MTARC2: variants seen among roughly 807,000 people sequenced by gnomAD.
The protein encoded by MTARC2 is mitochondrial amidoxime reducing component 2, also known as MOCO sulphurase C-terminal domain containing 2.
A neutral mutation model predicts 35.6 loss-of-function variants in MTARC2; 27 were observed. The ratio of observed to expected loss-of-function variants is 0.76; its 90% CI spans 0.56 to 1.04. MTARC2 has a LOEUF of 1.04. Among genes scored for constraint, MTARC2 ranks in the 50% least tolerant of loss-of-function variants. The pLI is 0.00. For missense variants in MTARC2, 412 were observed against 432.5 expected, an observed-to-expected ratio of 0.95 and a Z score of 0.42; for synonymous variants, 158 against 167.1, an observed-to-expected ratio of 0.95 and a Z score of 0.42.
intron 4 of MTARC2, among the ~76,000 whole-genome samples, chr1:220,765,333 T>G (rs1671553344): frequency 6.6e-6 from 1 of 152,230 alleles, no homozygotes; most frequent in Non-Finnish European, 1.5e-5. Flanking sequence ...GAGGCTGCAC[T>G]GGAGCTGGCT....
intron 3 of MTARC2, 62 bp downstream of exon 3, chr1:220,761,882 C>G: frequency 6.7e-7 from 1 of 1,490,396 alleles, no homozygotes; most frequent in Non-Finnish European, 9.0e-7. Flanking sequence ...TGGCTTCCTT[C>G]CCAGTTGATA....
Position 220,748,517 on chromosome 1 carries a change from C to CG in MTARC2, c.-14dup. 1 of 1,383,926 alleles carries CG rather than the reference C, an allele frequency of 7.2e-7. No individual in the cohort carries two copies. The highest frequency in any genetic ancestry group is 9.3e-7 in the Non-Finnish European group (1 of 1,078,884). 85.7% of individuals were successfully genotyped at this position (1,383,926 alleles called of 1,614,324 possible). Reference sequence around the variant, plus strand: ...CCGGGTCTGTGCGCCGGTCCGCGCCCGCCCTCGCTCTGCCATGGGCGCTTC... The same window carrying CG: ...CCGGGTCTGTGCGCCGGTCCGCGCCCGGCCCTCGCTCTGCCATGGGCGCTTC... On this transcript the variant is annotated 5_prime_UTR_variant, in exon 1 of 8. Transcript: ENST00000366913.
chr1:220,772,360 A>G (rs1336720033), intron 4 of MTARC2, among the ~76,000 whole-genome samples: 1 of 152,176 alleles, frequency 6.6e-6, no homozygotes, highest in African/African-American at 2.4e-5. Context: ...TGCCCTTTTC[A>G]TTGTGCTCTT....
intron 7 of MTARC2, among the ~76,000 whole-genome samples, chr1:220,782,419 GT>G (rs376816976): frequency 3.4e-3 from 510 of 152,210 alleles, no homozygotes; most frequent in South Asian, 0.023. Flanking sequence ...GTGCATCATG[GT>G]GACTGGGTCC....
At chr1:220,772,086 G>A (rs7519399) in intron 4 of MTARC2, among the ~76,000 whole-genome samples, 48,297 of 151,840 alleles carry the variant, frequency 0.32, 8,819 homozygotes, top group East Asian at 0.68. Context: ...CTTCATTTGC[G>A]TGGTTCCAGT....
At chr1:220,769,952 A>T (rs1310553414) in intron 4 of MTARC2, among the ~76,000 whole-genome samples, 1 of 149,546 alleles carries the variant, frequency 6.7e-6, no homozygotes, top group East Asian at 2.0e-4. Context: ...AAAAAAAAAA[A>T]AAAAATTAAG....
intron 4 of MTARC2, among the ~76,000 whole-genome samples, chr1:220,776,092 G>A (rs1295021481): frequency 6.6e-6 from 1 of 152,202 alleles, no homozygotes; most frequent in East Asian, 1.9e-4. Flanking sequence ...AGTTCTTTGA[G>A]AAATCTACAG....
At chr1:220,774,006 TG>T (rs1671819895) in intron 4 of MTARC2, among the ~76,000 whole-genome samples, 1 of 151,892 alleles carries the variant, frequency 6.6e-6, no homozygotes. Context: ...ATGTGCCTTG[TG>T]TTTTTTTCAC....
intron 4 of MTARC2, among the ~76,000 whole-genome samples, chr1:220,764,050 T>G (rs1358403419): frequency 6.6e-6 from 1 of 152,090 alleles, no homozygotes; most frequent in Non-Finnish European, 1.5e-5. Context: ...TTTGCTCCCC[T>G]GAATGAATGA....
chr1:220,782,489 C>G (rs1672103086), intron 7 of MTARC2, among the ~76,000 whole-genome samples: 1 of 152,120 alleles, frequency 6.6e-6, no homozygotes, highest in East Asian at 1.9e-4. Flanking sequence ...CAATACAGCC[C>G]TCACTCCTGG....
chr1:220,782,029 A>T, intron 7 of MTARC2, 97 bp downstream of exon 7: 1 of 1,065,126 alleles, frequency 9.4e-7, no homozygotes, highest in Non-Finnish European at 1.3e-6. Flanking sequence ...TTAATTCTTG[A>T]GAGAATGAAC....
chr1:220,748,657 C>T lies in MTARC2; in HGVS notation c.126C>T (p.Arg42=). ...AVALGTVAWR[R]AWPRRRRRLQ... The stretch of plus-strand genomic sequence containing the variant: ...CCCTGGGGACTGTCGCCTGGCGCCG[C>T]GCATGGCCCAGGCGGCGCCGGCGGC... Residue 42 remains arginine (R), a synonymous_variant, in exon 1 of 8, where the codon CGC becomes CGT. Coordinates refer to ENST00000366913, the MANE Select transcript of MTARC2 (RefSeq NM_017898.5). 1 of 1,560,396 alleles carries T rather than the reference C, an allele frequency of 6.4e-7. No individual in the cohort carries two copies. The highest frequency in any genetic ancestry group is 8.7e-7 in the Non-Finnish European group (1 of 1,155,940).
intron 1 of MTARC2, among the ~76,000 whole-genome samples, chr1:220,749,588 G>A (rs1456119452): frequency 1.3e-5 from 2 of 151,870 alleles, no homozygotes; most frequent in South Asian, 2.1e-4. Context: ...GCGCCACCAC[G>A]CCCGGCTAAT....
intron 4 of MTARC2, among the ~76,000 whole-genome samples, chr1:220,765,076 A>G (rs1671545342): frequency 6.6e-6 from 1 of 152,184 alleles, no homozygotes. Flanking sequence ...GTAGAAGTAG[A>G]ACTACCTAAA....
At chr1:220,769,228 AAGG>A (rs1254671146) in intron 4 of MTARC2, among the ~76,000 whole-genome samples, 1 of 152,208 alleles carries the variant, frequency 6.6e-6, no homozygotes, top group Non-Finnish European at 1.5e-5. Context: ...CTTTCTCATC[AAGG>A]AGAAGGAGGA....
intron 1 of MTARC2, chr1:220,754,325 T>TA: frequency 2.2e-6 from 1 of 456,294 alleles, no homozygotes; most frequent in South Asian, 1.5e-5. Context: ...GTGGGATTCT[T>TA]ATCTAACATG....
intron 2 of MTARC2, among the ~76,000 whole-genome samples, chr1:220,758,462 C>CGG (rs1193485740): frequency 6.6e-6 from 1 of 151,140 alleles, no homozygotes; most frequent in African/African-American, 2.4e-5. Context: ...TCTTGTTGCC[C>CGG]GGGCTAGAGT....
chr1:220,779,921 G>A (rs1672019747), intron 4 of MTARC2, 97 bp from the exon 5 acceptor site: 1 of 923,030 alleles, frequency 1.1e-6, no homozygotes, highest in Non-Finnish European at 1.6e-6. Context: ...GCTTTCTTCT[G>A]CTATAATAGT....
Position 220,762,926 on chromosome 1 carries a change from A to G in MTARC2, c.626A>G (p.Tyr209Cys), listed in dbSNP as rs752545149. 31 of 1,614,028 alleles carry G rather than the reference A, an allele frequency of 1.9e-5. No homozygotes were observed. Among genetic ancestry groups the G allele is most frequent in the Non-Finnish European group, 2.4e-5 (28 of 1,180,026 alleles). ...DQNFQVAYPD[Y>C]CPLLIMTDAS... is the part of the protein sequence containing the mutation. ...CTTGGCAAGGTGGCCTACCCAGACT[A>G]CTGCCCGCTCCTGATCATGACAGAT... Residue 209 changes from tyrosine (Y) to cysteine (C), a missense_variant, in exon 4 of 8, where the codon TAC becomes TGC. Tyr to Cys is a radical substitution (Grantham distance 194). Transcript: ENST00000366913.
Sources: gnomAD v4.1 joint callset for allele counts (sites outside exome capture counted in the v4.1 genomes callset) on GRCh38, gnomAD v4.1.1 for gene constraint, MANE v1.5 for transcripts, NCBI Gene and HGNC (gene_info 2026-07-23, HGNC 2026-07-21) for gene names.